Variants in SCNN1B observed in about 807,000 individuals in gnomAD.
SCNN1B encodes the protein sodium channel epithelial 1 subunit beta, also known as epithelial sodium channel subunit beta.
A neutral mutation model predicts 65.3 loss-of-function variants in SCNN1B; 46 were observed. The ratio of observed to expected loss-of-function variants is 0.70; its 90% CI spans 0.56 to 0.90. SCNN1B has a LOEUF of 0.90. SCNN1B is among the 40% of genes least tolerant of loss of function. SCNN1B has a pLI of 0.00. For missense variants in SCNN1B, 751 were observed against 830.5 expected, an observed-to-expected ratio of 0.90 and a Z score of 1.18; for synonymous variants, 349 against 330.6, an observed-to-expected ratio of 1.06 and a Z score of -0.60.
At chr16:23,370,941 T>C (rs1156955049) in intron 5 of SCNN1B, among the ~76,000 whole-genome samples, 1 of 152,194 alleles carries the variant, frequency 6.6e-6, no homozygotes, top group Non-Finnish European at 1.5e-5. Flanking sequence ...GAGGAAGGCG[T>C]GCAGAAGCTC....
At chr16:23,324,691 T>TACCCC (rs1383202586) in intron 1 of SCNN1B, among the ~76,000 whole-genome samples, 2 of 152,148 alleles carry the variant, frequency 1.3e-5, no homozygotes, top group African/African-American at 4.8e-5. Context: ...CTACCCATCC[T>TACCCC]ACCCCACCCC....
intron 1 of SCNN1B, among the ~76,000 whole-genome samples, chr16:23,309,419 G>C (rs1961292201): frequency 6.9e-6 from 1 of 144,170 alleles, no homozygotes; most frequent in Admixed American, 6.8e-5. Context: ...ATGATAGATA[G>C]ATAGATAGAT....
intron 1 of SCNN1B, among the ~76,000 whole-genome samples, chr16:23,345,489 T>C (rs766663487): frequency 3.3e-5 from 5 of 152,180 alleles, no homozygotes; most frequent in Non-Finnish European, 5.9e-5. Flanking sequence ...AGTCAGAAAT[T>C]TCTCTCCATC....
intron 4 of SCNN1B, among the ~76,000 whole-genome samples, chr16:23,363,095 A>T (rs1251549789): frequency 2.0e-5 from 3 of 152,134 alleles, no homozygotes; most frequent in Non-Finnish European, 4.4e-5. Context: ...CTCCACTGGG[A>T]CTTGGGTGTC....
intron 1 of SCNN1B, among the ~76,000 whole-genome samples, chr16:23,278,758 C>G (rs1164381355): frequency 1.3e-5 from 2 of 151,722 alleles, no homozygotes; most frequent in East Asian, 3.9e-4. Flanking sequence ...TAGTGACCCC[C>G]CCACCCCTCA....
upstream of SCNN1B, among the ~76,000 whole-genome samples, chr16:23,298,143 G>C (rs1314462697): frequency 2.0e-5 from 3 of 152,126 alleles, no homozygotes; most frequent in Non-Finnish European, 4.4e-5. Flanking sequence ...GGGTCCCTGA[G>C]AGACCTCCCA....
chr16:23,375,644 T>C (rs1001076731), intron 7 of SCNN1B, 94 bp from the exon 8 acceptor site: 1 of 893,726 alleles, frequency 1.1e-6, no homozygotes, highest in Admixed American at 1.7e-5. Flanking sequence ...TCCCTTAACT[T>C]GGGCATCACT....
At chr16:23,377,574 C>CCCTTCCTTCTTTCCTTCTCCCTT (rs149646061) in intron 10 of SCNN1B, among the ~76,000 whole-genome samples, 188 bp downstream of exon 10, 3 of 125,058 alleles carry the variant, frequency 2.4e-5, no homozygotes, top group Non-Finnish European at 3.4e-5. Flanking sequence ...CCTCTCTTTT[C>CCCTTCCTTCTTTCCTTCTCCCTT]CCTTCCTCCC....
intron 1 of SCNN1B, chr16:23,323,657 A>T (rs892361850): frequency 2.9e-6 from 2 of 700,024 alleles, no homozygotes; most frequent in Admixed American, 4.0e-5. Flanking sequence ...CCACTACCCC[A>T]TTGTAAAGGA....
intron 1 of SCNN1B, among the ~76,000 whole-genome samples, chr16:23,282,028 C>T (rs1360640190): frequency 6.6e-6 from 1 of 151,796 alleles, no homozygotes; most frequent in Non-Finnish European, 1.5e-5. Context: ...TCCGTCTCTA[C>T]AGAAAAAATA....
At chr16:23,300,502 A>G (rs1173851248), upstream of SCNN1B, among the ~76,000 whole-genome samples, 2 of 152,110 alleles carry the variant, frequency 1.3e-5, no homozygotes, top group Non-Finnish European at 2.9e-5. Context: ...ATTTGCAAAA[A>G]TGCTAAACAG....
At chr16:23,344,864 T>C (rs991122781) in intron 1 of SCNN1B, among the ~76,000 whole-genome samples, 7 of 152,196 alleles carry the variant, frequency 4.6e-5, no homozygotes, top group African/African-American at 1.7e-4. Context: ...CATGGTGGCA[T>C]GCGCCTGTAG....
chr16:23,334,328 G>T (rs1961890677), intron 1 of SCNN1B, among the ~76,000 whole-genome samples: 1 of 152,178 alleles, frequency 6.6e-6, no homozygotes, highest in South Asian at 2.1e-4. Context: ...AGCATTTCAG[G>T]GCTCGAATGA....
chr16:23,303,621 T>TA (rs1475155817), intron 1 of SCNN1B, among the ~76,000 whole-genome samples: 2 of 151,976 alleles, frequency 1.3e-5, no homozygotes, highest in East Asian at 3.9e-4. Flanking sequence ...GTAAAATACT[T>TA]AGTAATGTAG....
chr16:23,291,068 C>T (rs201912605), intron 2 of SCNN1B, among the ~76,000 whole-genome samples: 17 of 133,258 alleles, frequency 1.3e-4, no homozygotes, highest in East Asian at 2.2e-4. Flanking sequence ...ATTTTTTTTT[C>T]TTTTTTTTTT....
chr16:23,285,295 C>T (rs1022243336), intron 2 of SCNN1B, among the ~76,000 whole-genome samples: 1 of 152,130 alleles, frequency 6.6e-6, no homozygotes, highest in African/African-American at 2.4e-5. Flanking sequence ...GTCTCAGCCT[C>T]CCCAGTAGCT....
intron 1 of SCNN1B, among the ~76,000 whole-genome samples, chr16:23,310,361 T>C (rs1961316015): frequency 6.6e-6 from 1 of 150,990 alleles, no homozygotes; most frequent in Non-Finnish European, 1.5e-5. Context: ...TTTGCCACTG[T>C]TATGACCAAT....
intron 2 of SCNN1B, among the ~76,000 whole-genome samples, chr16:23,287,409 C>G (rs973613327): frequency 6.6e-6 from 1 of 151,880 alleles, no homozygotes. Context: ...TTGAGGGTGA[C>G]CGGGGAAATG....
At chr16:23,290,400 T>C (rs1378250446) in intron 2 of SCNN1B, among the ~76,000 whole-genome samples, 2 of 152,098 alleles carry the variant, frequency 1.3e-5, no homozygotes, top group Non-Finnish European at 2.9e-5. Flanking sequence ...CTCAACCTCC[T>C]GGGCTCAAGT....
Sources: gnomAD v4.1 joint callset for allele counts (sites outside exome capture counted in the v4.1 genomes callset) on GRCh38, gnomAD v4.1.1 for gene constraint, MANE v1.5 for transcripts, NCBI Gene and HGNC (gene_info 2026-07-23, HGNC 2026-07-21) for gene names.